DLGAP1: variants seen among roughly 807,000 people sequenced by gnomAD.
DLGAP1 encodes the protein DLG associated protein 1.
Under a neutral mutation model 90.8 loss-of-function variants are expected in DLGAP1, and 11 were observed. That is an observed-to-expected ratio of 0.12 (90% CI 0.08 to 0.20). The LOEUF is 0.20. DLGAP1 is among the 10% of genes least tolerant of loss of function. DLGAP1 has a pLI of 1.00. For missense variants in DLGAP1, 1,050 were observed against 1,333.8 expected (o/e 0.79, Z 3.31); for synonymous variants, 558 against 540.7 (o/e 1.03, Z -0.44).
chr18:4,023,067 G>A (rs369125517), intron 2 of DLGAP1, among the ~76,000 whole-genome samples: 5,504 of 146,206 alleles, frequency 0.038, 288 homozygotes, highest in African/African-American at 0.12. Flanking sequence ...ATATATCTTC[G>A]CCAGCATTTG....
chr18:4,340,417 T>G (rs1028937282), intron 1 of DLGAP1, among the ~76,000 whole-genome samples: 5 of 152,204 alleles, frequency 3.3e-5, no homozygotes, highest in Non-Finnish European at 7.3e-5. Flanking sequence ...AATTTTCCAT[T>G]TCATATTTTC....
At chr18:3,871,494 T>C (rs1221667806) in intron 4 of DLGAP1, among the ~76,000 whole-genome samples, 1 of 152,126 alleles carries the variant, frequency 6.6e-6, no homozygotes, top group Non-Finnish European at 1.5e-5. Flanking sequence ...CTTGCAAGCG[T>C]ATATTAAATT....
At position 3,653,292 on chromosome 18, in the gene DLGAP1, C is replaced by G. The variant is rs2059377216; in HGVS notation, c.1592-71044G>C. 6.6e-6 allele frequency: 1 copy of G among 152,132 alleles called. No homozygotes were observed. Among genetic ancestry groups the G allele is most frequent in the African/African-American group, 2.4e-5 (1 of 41,416 alleles). 9.4% of individuals were successfully genotyped at this position (152,132 alleles called of 1,614,324 possible). ...TTGCTGTCTAGATGTTTCTCTCTGACCCCAATTTTCTCGGAGTTTGGGATT... is the reference window on the plus strand; with the variant it reads ...TTGCTGTCTAGATGTTTCTCTCTGAGCCCAATTTTCTCGGAGTTTGGGATT... On this transcript the variant is annotated intron_variant, in intron 7 of 12. Transcript: ENST00000315677. This position sits in a 1 kb window ranked among gnomAD's most constrained non-coding sequence, Gnocchi z 4.6.
intron 5 of DLGAP1, among the ~76,000 whole-genome samples, chr18:3,771,819 A>G (rs914903021): frequency 6.6e-6 from 1 of 150,904 alleles, no homozygotes; most frequent in Non-Finnish European, 1.5e-5. Context: ...GAGGTCTACT[A>G]ACTGCCTGCC....
Position 3,534,185 on chromosome 18 carries a change from A to G in DLGAP1, c.2479+9T>C. 6.2e-7 allele frequency: 1 copy of G among 1,608,892 alleles called. No homozygotes were observed. Among genetic ancestry groups the G allele is most frequent in the Non-Finnish European group, 8.5e-7 (1 of 1,176,900 alleles). ...GGGGACGGGTGTGGCACGTGGTGGC[A>G]TTACTTACTGTCTTCGGGCAGGTTG... On this transcript the variant is annotated intron_variant, in intron 10 of 12. Transcript: ENST00000315677.
At chr18:3,896,745 T>A (rs9960715) in intron 3 of DLGAP1, 3,748 of 152,462 alleles carry the variant, frequency 0.025, 152 homozygotes, top group African/African-American at 0.085. Flanking sequence ...TCTTTCTCCC[T>A]TGAAGTGAGT....
chr18:3,989,907 G>T (rs1037662899), intron 3 of DLGAP1, among the ~76,000 whole-genome samples: 3 of 152,180 alleles, frequency 2.0e-5, no homozygotes, highest in Admixed American at 6.5e-5. Flanking sequence ...GGCCATCAGA[G>T]AAATGCAAAT....
At chr18:4,234,586 GA>G (rs552714827) in intron 1 of DLGAP1, among the ~76,000 whole-genome samples, 21 of 152,142 alleles carry the variant, frequency 1.4e-4, no homozygotes, top group Non-Finnish European at 2.9e-4. Context: ...ATATTAAATG[GA>G]AAATATTTTA....
At chr18:4,142,096 T>C (rs944240188) in intron 2 of DLGAP1, among the ~76,000 whole-genome samples, 2 of 152,144 alleles carry the variant, frequency 1.3e-5, no homozygotes, top group Non-Finnish European at 2.9e-5. Context: ...AGTCCTTTTT[T>C]AAAATAATTC....
intron 11 of DLGAP1, among the ~76,000 whole-genome samples, chr18:3,507,744 T>TTG (rs1240683626): frequency 2.1e-5 from 3 of 142,920 alleles, no homozygotes; most frequent in African/African-American, 7.8e-5. Flanking sequence ...AGGTTTTTTT[T>TTG]TTTTTTTTTT....
At chr18:3,621,067 C>T (rs1405906953) in intron 7 of DLGAP1, among the ~76,000 whole-genome samples, 3 of 152,138 alleles carry the variant, frequency 2.0e-5, no homozygotes, top group Non-Finnish European at 2.9e-5. Flanking sequence ...TTGAACAGGT[C>T]CTTCTGGTAA....
intron 3 of DLGAP1, among the ~76,000 whole-genome samples, chr18:3,968,202 G>A (rs1373024536): frequency 2.6e-5 from 4 of 152,050 alleles, no homozygotes; most frequent in Non-Finnish European, 5.9e-5. Flanking sequence ...TCTTTCTCCT[G>A]TATCTTAAAT....
intron 1 of DLGAP1, among the ~76,000 whole-genome samples, chr18:4,283,873 T>C (rs1292270439): frequency 1.3e-5 from 2 of 152,168 alleles, no homozygotes; most frequent in Non-Finnish European, 2.9e-5. Context: ...AACTGGCGAA[T>C]GAATATGCTT....
intron 1 of DLGAP1, among the ~76,000 whole-genome samples, chr18:4,375,678 G>GT (rs2082000075): frequency 6.6e-6 from 1 of 152,124 alleles, no homozygotes. Flanking sequence ...ATCACTGTGA[G>GT]TTTTAAACAT....
intron 3 of DLGAP1, among the ~76,000 whole-genome samples, chr18:3,939,942 A>T (rs2072733132): frequency 6.6e-6 from 1 of 152,206 alleles, no homozygotes; most frequent in South Asian, 2.1e-4. Context: ...TGTCCTCAAC[A>T]ATCACTGCCT....
intron 7 of DLGAP1, among the ~76,000 whole-genome samples, chr18:3,592,706 T>C (rs2056317793): frequency 6.6e-6 from 1 of 151,176 alleles, no homozygotes. Flanking sequence ...TAGCTGGTCA[T>C]GGTGGTGCAC....
chr18:4,055,066 T>C (rs1440989537), intron 2 of DLGAP1, among the ~76,000 whole-genome samples: 2 of 152,162 alleles, frequency 1.3e-5, no homozygotes, highest in African/African-American at 2.4e-5. Flanking sequence ...AAGGAAAATA[T>C]AGGTCCGCAC....
intron 7 of DLGAP1, among the ~76,000 whole-genome samples, chr18:3,646,475 C>G (rs559058525): frequency 1.3e-5 from 2 of 152,226 alleles, no homozygotes; most frequent in Non-Finnish European, 2.9e-5. Context: ...GAAAAGGAAA[C>G]AGTTGTGTAG....
chr18:3,690,090 T>G (rs2146999555), intron 7 of DLGAP1, among the ~76,000 whole-genome samples: 1 of 125,990 alleles, frequency 7.9e-6, no homozygotes, highest in African/African-American at 3.2e-5. Context: ...GCGGGCTGGG[T>G]GAGGTTTTTT....
Sources: gnomAD v4.1 joint callset for allele counts (sites outside exome capture counted in the v4.1 genomes callset) on GRCh38, gnomAD v4.1.1 for gene constraint, Gnocchi (gnomAD v3.1) non-coding constraint, MANE v1.5 for transcripts, NCBI Gene and HGNC (gene_info 2026-07-23, HGNC 2026-07-21) for gene names.